Variants in BMERB1 observed in about 807,000 individuals in gnomAD.
BMERB1 encodes bMERB domain-containing protein 1.
BMERB1 carries 12 observed loss-of-function variants against 23.6 expected under a neutral mutation model. The ratio of observed to expected loss-of-function variants is 0.51; its 90% CI spans 0.33 to 0.82. The LOEUF (loss-of-function observed/expected upper bound fraction) is 0.82, where lower values mean the gene tolerates loss of function less well. BMERB1 is among the 40% of genes least tolerant of loss of function. The pLI is 0.03. For missense variants in BMERB1, 247 were observed against 255.4 expected, an observed-to-expected ratio of 0.97 and a Z score of 0.22; for synonymous variants, 122 against 96.6, an observed-to-expected ratio of 1.26 and a Z score of -1.54.
chr16:15,508,986 C>G (rs561358972), intron 1 of BMERB1, among the ~76,000 whole-genome samples: 14 of 152,158 alleles, frequency 9.2e-5, no homozygotes, highest in African/African-American at 3.1e-4. Flanking sequence ...CATCCTTGAG[C>G]AAGACTTTTC....
intron 2 of BMERB1, among the ~76,000 whole-genome samples, chr16:15,521,398 G>A (rs1262144144): frequency 6.6e-6 from 1 of 152,176 alleles, no homozygotes; most frequent in Non-Finnish European, 1.5e-5. Context: ...CACAACAGTT[G>A]GCATTTACAG....
chr16:15,437,963 AAAAG>A (rs2050902914), intron 1 of BMERB1, among the ~76,000 whole-genome samples: 2 of 151,074 alleles, frequency 1.3e-5, no homozygotes, highest in East Asian at 2.0e-4. Context: ...CTCTCAAAAA[AAAAG>A]AGTCTGGTAT....
chr16:15,516,908 C>T (rs944097848), intron 2 of BMERB1, among the ~76,000 whole-genome samples: 1 of 152,186 alleles, frequency 6.6e-6, no homozygotes, highest in African/African-American at 2.4e-5. Flanking sequence ...TGCAGTGAGG[C>T]CGTCATAGCT....
Position 15,443,997 on chromosome 16 carries a change from C to T in BMERB1, c.106+9238C>T, listed in dbSNP as rs1353308968. On this transcript the variant is annotated intron_variant, in intron 1 of 5. Coordinates refer to ENST00000300006, the MANE Select transcript of BMERB1 (RefSeq NM_033201.3). ...GGCCAACAGCAAAGAGGGGTGTTTGCATTGGGCCTGAAGGCTAAACAGGGT... is the reference window on the plus strand; with the variant it reads ...GGCCAACAGCAAAGAGGGGTGTTTGTATTGGGCCTGAAGGCTAAACAGGGT... 2.0e-5 allele frequency among the ~76,000 whole-genome samples: 3 copies of T among 151,704 alleles called. No individual in the cohort carries two copies. The East Asian group carries it at 5.8e-4, about 29-fold the overall frequency.
intron 2 of BMERB1, among the ~76,000 whole-genome samples, chr16:15,563,306 C>T (rs927688350): frequency 6.8e-6 from 1 of 147,030 alleles, no homozygotes; most frequent in Non-Finnish European, 1.5e-5. Context: ...CTGCAACCTC[C>T]GCCTCCTGGG....
intron 2 of BMERB1, among the ~76,000 whole-genome samples, chr16:15,521,498 T>C (rs2051853208): frequency 6.6e-6 from 1 of 152,098 alleles, no homozygotes; most frequent in Admixed American, 6.6e-5. Context: ...GAAAGATGCA[T>C]CAGGAACCAC....
chr16:15,489,144 C>T (rs2051394299), intron 1 of BMERB1, among the ~76,000 whole-genome samples: 1 of 152,156 alleles, frequency 6.6e-6, no homozygotes, highest in Non-Finnish European at 1.5e-5. Context: ...GAAGGGAACA[C>T]AGTGAGCACC....
At chr16:15,445,709 G>A (rs1229471369) in intron 1 of BMERB1, among the ~76,000 whole-genome samples, 1 of 152,126 alleles carries the variant, frequency 6.6e-6, no homozygotes, top group Non-Finnish European at 1.5e-5. Context: ...GGGGGGAAAT[G>A]GCTTGGTCAT....
intron 2 of BMERB1, among the ~76,000 whole-genome samples, chr16:15,540,541 TAG>T (rs935659586): frequency 1.3e-5 from 2 of 151,852 alleles, no homozygotes; most frequent in African/African-American, 4.8e-5. Flanking sequence ...ATAATAATAA[TAG>T]AGAGGGCTTG....
chr16:15,509,527 T>C (rs193087107), intron 1 of BMERB1, among the ~76,000 whole-genome samples: 36 of 152,264 alleles, frequency 2.4e-4, no homozygotes, highest in African/African-American at 8.4e-4. Context: ...AGGAGGAAAG[T>C]GACGCAAAGA....
At chr16:15,549,550 G>A (rs1239475658) in intron 2 of BMERB1, among the ~76,000 whole-genome samples, 1 of 151,794 alleles carries the variant, frequency 6.6e-6, no homozygotes. Context: ...GTGGTGGCGG[G>A]CGCCTGTAGT....
intron 1 of BMERB1, among the ~76,000 whole-genome samples, chr16:15,484,432 C>T (rs1051048473): frequency 2.0e-5 from 3 of 151,582 alleles, no homozygotes; most frequent in African/African-American, 7.3e-5. Context: ...GAAAGAGTCT[C>T]GCTCTGCTGC....
chr16:15,449,762 T>G (rs1395997259), intron 1 of BMERB1, among the ~76,000 whole-genome samples: 1 of 152,032 alleles, frequency 6.6e-6, no homozygotes, highest in Non-Finnish European at 1.5e-5. Context: ...GTCAGACTGG[T>G]CTCGAACTCC....
chr16:15,532,544 C>CTTTTTTTTTTTTTTTTTTTT (rs58964968), intron 2 of BMERB1, among the ~76,000 whole-genome samples: 3 of 91,832 alleles, frequency 3.3e-5, no homozygotes, highest in Non-Finnish European at 3.9e-5. Flanking sequence ...TTTTCTTTTT[C>CTTTTTTTTTTTTTTTTTTTT]TTTTTTTTTT....
At chr16:15,471,858 A>C (rs1005315783) in intron 1 of BMERB1, among the ~76,000 whole-genome samples, 1 of 152,200 alleles carries the variant, frequency 6.6e-6, no homozygotes, top group African/African-American at 2.4e-5. Flanking sequence ...GATTAAAGGC[A>C]TGAGCCACTG....
intron 2 of BMERB1, among the ~76,000 whole-genome samples, chr16:15,552,552 G>C (rs142868462): frequency 1.3e-5 from 2 of 152,330 alleles, no homozygotes; most frequent in African/African-American, 4.8e-5. Flanking sequence ...CTGCCAGGTA[G>C]CATCAGTGAG....
In BMERB1 at chr16:15,444,123, G is replaced by GTTTTTTTTTTTTTTTTT. The variant is rs150793082; in HGVS notation, c.106+9375_106+9391dup. Among the ~76,000 whole-genome samples the GTTTTTTTTTTTTTTTTT allele has an allele frequency of 8.2e-3, 292 of 35,614 alleles. 57 individuals are homozygous for GTTTTTTTTTTTTTTTTT. Among genetic ancestry groups the GTTTTTTTTTTTTTTTTT allele is most frequent in the East Asian group, 0.018 (10 of 556 alleles). 23.4% of individuals were successfully genotyped at this position (35,614 alleles called of 152,430 possible). ...AGGCCAGGGTCCAGGCACCAGCTTT[G>GTTTTTTTTTTTTTTTTT]TTTTTTTTTTTTTTTTTTTTTTTTT... On this transcript the variant is annotated intron_variant, in intron 1 of 5. Coordinates refer to ENST00000300006, the MANE Select transcript of BMERB1 (RefSeq NM_033201.3).
intron 2 of BMERB1, among the ~76,000 whole-genome samples, chr16:15,552,470 T>C (rs1396632189): frequency 6.7e-6 from 1 of 150,240 alleles, no homozygotes; most frequent in Non-Finnish European, 1.5e-5. Flanking sequence ...GAAGAAGAAA[T>C]GAACTCACAA....
intron 3 of BMERB1, among the ~76,000 whole-genome samples, chr16:15,570,065 C>T (rs1460567314): frequency 6.6e-6 from 1 of 152,188 alleles, no homozygotes; most frequent in Non-Finnish European, 1.5e-5. Context: ...AGATCCCTTT[C>T]ACTGTCCTAA....
Sources: allele counts gnomAD v4.1 joint callset (sites outside exome capture counted in the v4.1 genomes callset), GRCh38; gene constraint gnomAD v4.1.1; transcripts MANE v1.5; gene names NCBI Gene and HGNC (gene_info 2026-07-23, HGNC 2026-07-21).